PRRC2C: variants seen among roughly 807,000 people sequenced by gnomAD.
The protein encoded by PRRC2C is protein PRRC2C.
In PRRC2C, 72 loss-of-function variants were observed where a neutral mutation model predicts 317.2. The ratio of observed to expected loss-of-function variants is 0.23; its 90% CI spans 0.19 to 0.28. The LOEUF is 0.28. Ranked by LOEUF, PRRC2C falls within the 10% of genes least tolerant of loss-of-function variation. The pLI is 1.00. For missense variants in PRRC2C, 3,074 were observed against 3,459.7 expected (o/e 0.89, Z 2.80); for synonymous variants, 1,296 against 1,205.9 (o/e 1.07, Z -1.55).
chr1:171,515,676 G>A (rs894139572), intron 4 of PRRC2C, 58 bp from the exon 5 acceptor site: 2 of 1,373,882 alleles, frequency 1.5e-6, no homozygotes, highest in African/African-American at 2.9e-5. Context: ...TGGGAGGGTG[G>A]TTTGTATTAT....
At chr1:171,489,323 T>A (rs1370511314) in intron 1 of PRRC2C, among the ~76,000 whole-genome samples, 3 of 152,226 alleles carry the variant, frequency 2.0e-5, no homozygotes, top group African/African-American at 7.2e-5. Context: ...TTTTAGCTTA[T>A]TCAACAAAGA....
intron 28 of PRRC2C, among the ~76,000 whole-genome samples, chr1:171,581,165 G>A (rs982565929): frequency 9.9e-5 from 15 of 151,940 alleles, no homozygotes; most frequent in Non-Finnish European, 1.3e-4. Flanking sequence ...ATTTAATTTC[G>A]TTATTTTCTC....
In PRRC2C at chr1:171,522,167, C is replaced by T. The variant is rs1248695313; in HGVS notation, c.751-10C>T. Reference sequence around the variant, plus strand: ...TAAATTTATCACAATTTTTTGTTTCCTTCATTCAGATGTTCCAACAGTATC... The same window carrying T: ...TAAATTTATCACAATTTTTTGTTTCTTTCATTCAGATGTTCCAACAGTATC... On this transcript the variant is annotated splice_polypyrimidine_tract_variant and intron_variant, in intron 6 of 34. Transcript: ENST00000647382. The T allele has an allele frequency of 2.7e-6, 4 of 1,502,318 alleles. No homozygotes were observed. Among genetic ancestry groups the T allele is most frequent in the African/African-American group, 1.4e-5 (1 of 72,196 alleles). The allele number at this position is 1,502,318 out of a possible 1,614,324, so 93.1% of individuals were successfully genotyped here.
rs563931717 is a variant in PRRC2C at position 171,528,779 on chromosome 1, A to C, written c.1254+935A>C. ...ATCTCATTTAAATCTCAGCTGAGTC[A>C]TTGACATAGTTGATTTCTCTATCCT... On this transcript the variant is annotated intron_variant, in intron 11 of 34. Coordinates refer to ENST00000647382, the MANE Select transcript of PRRC2C (RefSeq NM_001387844.1). Among the ~76,000 whole-genome samples, 4 of 152,068 alleles carry C rather than the reference A, an allele frequency of 2.6e-5. No individual in the cohort carries two copies. In the South Asian group the frequency reaches 8.3e-4, roughly 32 times the overall value.
chr1:171,565,391 A>G (rs192129573), intron 20 of PRRC2C, among the ~76,000 whole-genome samples: 23 of 152,330 alleles, frequency 1.5e-4, no homozygotes, highest in Middle Eastern at 3.4e-3. Flanking sequence ...CAAATTGTGC[A>G]ATTAGACTGA....
intron 16 of PRRC2C, among the ~76,000 whole-genome samples, chr1:171,542,986 T>C (rs920961958): frequency 6.7e-6 from 1 of 149,774 alleles, no homozygotes; most frequent in African/African-American, 2.4e-5. Flanking sequence ...GGTCTCGATA[T>C]CCTGACCTCG....
At chr1:171,514,695 C>A in intron 4 of PRRC2C, 50 bp downstream of exon 4, 1 of 1,428,764 alleles carries the variant, frequency 7.0e-7, no homozygotes, top group Non-Finnish European at 9.7e-7. Context: ...AGTTACTGAA[C>A]AGCCATGCAG....
At chr1:171,535,103 T>A (rs1401873239) in intron 12 of PRRC2C, among the ~76,000 whole-genome samples, 1 of 152,116 alleles carries the variant, frequency 6.6e-6, no homozygotes, top group Non-Finnish European at 1.5e-5. Context: ...GACAATTACA[T>A]TGATGTTTAT....
chr1:171,491,801 A>G (rs1188731094), intron 1 of PRRC2C, among the ~76,000 whole-genome samples: 1 of 152,190 alleles, frequency 6.6e-6, no homozygotes, highest in African/African-American at 2.4e-5. Flanking sequence ...TAAGAGTAAA[A>G]CAATACTTAA....
chr1:171,545,735 T>TGA, intron 17 of PRRC2C, 48 bp downstream of exon 17: 1 of 1,125,302 alleles, frequency 8.9e-7, no homozygotes, highest in Non-Finnish European at 1.1e-6. Flanking sequence ...ATTTATTTAT[T>TGA]TATTTATTTA....
At chr1:171,533,195 A>G (rs1470792209) in intron 12 of PRRC2C, among the ~76,000 whole-genome samples, 1 of 152,216 alleles carries the variant, frequency 6.6e-6, no homozygotes, top group Non-Finnish European at 1.5e-5. Context: ...TTTTATCTGC[A>G]GAATTGTATT....
chr1:171,513,513 A>G (rs1305304975), intron 3 of PRRC2C: 1 of 457,268 alleles, frequency 2.2e-6, no homozygotes, highest in African/African-American at 2.0e-5. Flanking sequence ...GATACTAAGG[A>G]TGTCTGTCTG....
At chr1:171,520,932 G>A (rs1673431333) in intron 6 of PRRC2C, among the ~76,000 whole-genome samples, 1 of 151,166 alleles carries the variant, frequency 6.6e-6, no homozygotes, top group Non-Finnish European at 1.5e-5. Context: ...AGCATCCTGA[G>A]TTACTGGGAT....
At position 171,491,613 on chromosome 1, in the gene PRRC2C, T is replaced by C. The variant is rs139240327; in HGVS notation, c.-58+5878T>C. ...AACAATTGGGAAATTGGAGAAATGG[T>C]CACTAAGGAACAAAAAGCTTTGAAC... is the stretch of plus-strand genomic sequence containing the variant. On this transcript the variant is annotated intron_variant, in intron 1 of 34. Transcript: ENST00000647382. Among the ~76,000 whole-genome samples the C allele has an allele frequency of 5.1e-3, 771 of 152,340 alleles. 6 individuals are homozygous for C. The highest frequency in any genetic ancestry group is 0.017 in the African/African-American group (719 of 41,578).
chr1:171,542,233 A>G lies in PRRC2C; in HGVS notation c.4763+4A>G. 6.6e-7 allele frequency: 1 copy of G among 1,514,694 alleles called. No homozygotes were observed. Among genetic ancestry groups the G allele is most frequent in the Non-Finnish European group, 8.8e-7 (1 of 1,135,810 alleles). The allele number at this position is 1,514,694 out of a possible 1,614,324, so 93.8% of individuals were successfully genotyped here. A position where few individuals can be genotyped will look rare whatever the true frequency, so the allele number is the denominator to read the frequency against. On this transcript the variant is annotated splice_donor_region_variant and intron_variant, in intron 16 of 34. Coordinates refer to ENST00000647382, the MANE Select transcript of PRRC2C (RefSeq NM_001387844.1). ...CATCAAAAAGTGGGAAGAGAGGGTG[A>G]GTACTTTGTTTTAAATATAGTTGCT...
At chr1:171,563,972 G>A (rs1192641866) in intron 20 of PRRC2C, among the ~76,000 whole-genome samples, 2 of 152,268 alleles carry the variant, frequency 1.3e-5, no homozygotes, top group East Asian at 3.9e-4. Context: ...CAGTGGTGGA[G>A]CAAGATATTT....
intron 20 of PRRC2C, among the ~76,000 whole-genome samples, chr1:171,565,945 GT>G (rs1396050935): frequency 6.6e-6 from 1 of 152,146 alleles, no homozygotes; most frequent in Admixed American, 6.5e-5. Flanking sequence ...TTTTACGTTT[GT>G]TTTAAATGAG....
At chr1:171,488,578 T>G (rs1169389786) in intron 1 of PRRC2C, among the ~76,000 whole-genome samples, 1 of 152,182 alleles carries the variant, frequency 6.6e-6, no homozygotes, top group Non-Finnish European at 1.5e-5. Flanking sequence ...ATCTCCTGCC[T>G]CAGCCTCCCA....
chr1:171,524,395 G>A (rs1014354028), intron 9 of PRRC2C, among the ~76,000 whole-genome samples: 5 of 152,116 alleles, frequency 3.3e-5, no homozygotes, highest in Admixed American at 2.0e-4. Flanking sequence ...GACAAACATC[G>A]TTTTATGATC....
Sources: gnomAD v4.1 joint callset for allele counts (sites outside exome capture counted in the v4.1 genomes callset) on GRCh38, gnomAD v4.1.1 for gene constraint, MANE v1.5 for transcripts, NCBI Gene and HGNC (gene_info 2026-07-23, HGNC 2026-07-21) for gene names.